The following HSPG2 variants were observed in gnomAD, a reference collection of about 807,000 sequenced individuals.
HSPG2 encodes the protein heparan sulfate proteoglycan 2.
Under a neutral mutation model 526.6 loss-of-function variants are expected in HSPG2, and 278 were observed. That is an observed-to-expected ratio of 0.53 (90% CI 0.48 to 0.58). HSPG2 has a LOEUF of 0.58. Ranked by LOEUF, HSPG2 falls within the 20% of genes least tolerant of loss-of-function variation. HSPG2 has a pLI of 0.00. For missense variants in HSPG2, 5,354 were observed against 6,099.5 expected (o/e 0.88, Z 4.07); for synonymous variants, 2,465 against 2,555.4 (o/e 0.96, Z 1.07).
rs150649767 is a variant in HSPG2, at chr1:21,851,693, G to A, written c.7011C>T (p.Ala2337=). 1.6e-4 allele frequency: 254 copies of A among 1,613,812 alleles called. No homozygotes were observed. The highest frequency in any genetic ancestry group is 2.0e-4 in the Non-Finnish European group (236 of 1,180,016). The change falls in exon 55 of 97, where the codon GCC becomes GCT. Residue 2337 remains alanine, a synonymous_variant. Coordinates refer to ENST00000374695, the MANE Select transcript of HSPG2 (RefSeq NM_005529.7). ...GTQGANLAYP[A]GSTQPIRIEP... ...CGATGCGGATGGGCTGGGTGCTGCC[G>A]GCAGCTGAGGGATAAGATGGTCACC... is the stretch of plus-strand genomic sequence containing the variant.
chr1:21,850,600 T>C (rs998481152), intron 55 of HSPG2, 102 bp from the exon 56 acceptor site: 4 of 1,343,748 alleles, frequency 3.0e-6, no homozygotes, highest in Non-Finnish European at 4.0e-6. Context: ...GGCCATCAGC[T>C]CTGGATCAGT....
Position 21,852,602 on chromosome 1 carries a change from G to A in HSPG2, c.6724+98C>T, listed in dbSNP as rs1230100898. The A allele has an allele frequency of 2.0e-6, 3 of 1,532,608 alleles. No homozygotes were observed. In the African/African-American group the frequency reaches 4.1e-5, roughly 21 times the overall value. 94.9% of individuals were successfully genotyped at this position (1,532,608 alleles called of 1,614,324 possible). On this transcript the variant is annotated intron_variant, in intron 52 of 96. Transcript: ENST00000374695. ...GGGCCCTGCAGCCAGCTCCGGTGTG[G>A]GCCTTCTGCCCTGTCAGCAAGAGGG...
At chr1:21,846,400 G>A in intron 63 of HSPG2, 48 bp downstream of exon 63, 1 of 1,612,066 alleles carries the variant, frequency 6.2e-7, no homozygotes, top group Non-Finnish European at 8.5e-7. Flanking sequence ...AGCTAGCCAG[G>A]GCCCCCACAT....
In HSPG2 at chr1:21,847,785, T is replaced by C. The variant is rs745388118; in HGVS notation, c.7929A>G (p.Glu2643=). ...RIESSSPTVV[E]GQTLDLNCVV... is the part of the protein sequence containing the mutation. Reference sequence around the variant, plus strand: ...CGCAGTTCAGATCCAAGGTCTGCCCTTCCACCACCGTGGGGGAAGACGACT... The same window carrying C: ...CGCAGTTCAGATCCAAGGTCTGCCCCTCCACCACCGTGGGGGAAGACGACT... Residue 2643 remains glutamate (E), a synonymous_variant, in exon 61 of 97, where the codon GAA becomes GAG. Transcript: ENST00000374695. This position sits in a 1 kb window ranked among gnomAD's most constrained non-coding sequence, Gnocchi z 4.1. The C allele has an allele frequency of 6.2e-7, 1 of 1,613,712 alleles. No individual in the cohort carries two copies. The highest frequency in any genetic ancestry group is 8.5e-7 in the Non-Finnish European group (1 of 1,179,960).
At chr1:21,926,761 CAAAAAAAAAAAAAAAAAA>C (rs57835686) in intron 1 of HSPG2, among the ~76,000 whole-genome samples, 1 of 55,846 alleles carries the variant, frequency 1.8e-5, no homozygotes, top group African/African-American at 7.3e-5. Context: ...GACTCAGTCT[CAAAAAAAAAAAAAAAAAA>C]AAAAAAAAAG....
At position 21,831,109 on chromosome 1, in the gene HSPG2, A is replaced by C. The variant is rs746997837; in HGVS notation, c.11563-19T>G. The C allele has an allele frequency of 6.2e-7, 1 of 1,609,446 alleles. No homozygotes were observed. The highest frequency in any genetic ancestry group is 8.5e-7 in the Non-Finnish European group (1 of 1,176,934). On this transcript the variant is annotated intron_variant, in intron 84 of 96. Transcript: ENST00000374695. ...CGCCATTCTGCAAAGCAGCCCCCAG[A>C]AGTAAGGCCGAGAACATTCAGTACC...
In HSPG2 at chr1:21,875,714, T is replaced by A; in HGVS notation, c.3217A>T (p.Thr1073Ser). 1 of 1,605,006 alleles carries A rather than the reference T, an allele frequency of 6.2e-7. No individual in the cohort carries two copies. Residue 1073 changes from threonine (T) to serine (S), a missense_variant, in exon 25 of 97, where the codon ACA becomes TCA. By Grantham distance (58) the Thr-to-Ser change is moderately conservative. Transcript: ENST00000374695. ...AWQRPDGQPA[T>S]REHLLMALAG... ...AGTGCCATCAGCAGGTGCTCCCGTG[T>A]GGCTGGCTGCCCATCGGGCCGCTGC... is the stretch of plus-strand genomic sequence containing the variant.
At chr1:21,869,476 G>A (rs188552674) in intron 33 of HSPG2, 2 of 986,736 alleles carry the variant, frequency 2.0e-6, no homozygotes, top group African/African-American at 3.5e-5. Flanking sequence ...CTGAGAGCCT[G>A]GTGAGAAAGA....
At chr1:21,874,145 C>T (rs1469098675) in intron 28 of HSPG2, 134 bp from the exon 29 acceptor site, 3 of 846,444 alleles carry the variant, frequency 3.5e-6, no homozygotes, top group Non-Finnish European at 5.7e-6. Context: ...CCACTGCATG[C>T]CTGGCACTGT....
Position 21,831,241 on chromosome 1 carries a change from G to A in HSPG2, c.11536C>T (p.Pro3846Ser), listed in dbSNP as rs1331527800. The change falls in exon 84 of 97, where the codon CCC becomes TCC. Residue 3846 changes from proline (P) to serine (S), a missense_variant. Pro to Ser is a moderately conservative substitution (Grantham distance 74). Transcript: ENST00000374695. ...TGGCAGGGCCGGTCCCGACAGGTGG[G>A]GCAGTGGGAGATGCCGTGCGCCGTG... ...NLTAHGISHC[P>S]TCRDRPCQNG... 6.2e-7 allele frequency: 1 copy of A among 1,613,924 alleles called. No homozygotes were observed. The highest frequency in any genetic ancestry group is 2.2e-5 in the East Asian group (1 of 44,892).
intron 69 of HSPG2, 63 bp downstream of exon 69, chr1:21,841,939 T>C: frequency 1.2e-6 from 2 of 1,601,042 alleles, no homozygotes; most frequent in Non-Finnish European, 1.7e-6. Context: ...CCTTGCACAG[T>C]GGGGATGACG....
intron 10 of HSPG2, 56 bp from the exon 11 acceptor site, chr1:21,885,213 G>A (rs1641797455): frequency 1.3e-6 from 2 of 1,599,104 alleles, no homozygotes; most frequent in South Asian, 2.2e-5. Context: ...AGGAGCGGAA[G>A]GAGGGCTCCG....
chr1:21,864,658 AT>A lies in HSPG2; in HGVS notation c.4626+184del, dbSNP rs941229061. On this transcript the variant is annotated intron_variant, in intron 36 of 96. Transcript: ENST00000374695. The surrounding 1 kb of genome is among the most constrained non-coding windows in gnomAD (Gnocchi z 4.8). The stretch of plus-strand genomic sequence containing the variant: ...GACACACTCACCCCTCAGCACCTCT[AT>A]TTTTTTACCTGTTAAAGGGGATAAT... Among the ~76,000 whole-genome samples the A allele has an allele frequency of 6.6e-6, 1 of 152,012 alleles. No individual in the cohort carries two copies. The highest frequency in any genetic ancestry group is 1.9e-4 in the East Asian group (1 of 5,172).
chr1:21,927,200 T>C lies in HSPG2; in HGVS notation c.63+9955A>G, dbSNP rs368865607. Among the ~76,000 whole-genome samples the C allele has an allele frequency of 6.1e-3, 935 of 152,122 alleles. 3 individuals carry two copies. The highest frequency in any genetic ancestry group is 0.021 in the African/African-American group (888 of 41,480). On this transcript the variant is annotated intron_variant, in intron 1 of 96. Transcript: ENST00000374695. ...GCCAGGCCTCCCCTTCCCCACCGACTGGGATGGGAGAAAGATGGGGAAAGA... is the reference window on the plus strand; with the variant it reads ...GCCAGGCCTCCCCTTCCCCACCGACCGGGATGGGAGAAAGATGGGGAAAGA...
intron 33 of HSPG2, among the ~76,000 whole-genome samples, chr1:21,867,112 C>T (rs1640297719): frequency 9.9e-6 from 1 of 100,750 alleles, no homozygotes; most frequent in Admixed American, 1.4e-4. Context: ...CCCTATGTTG[C>T]TCAGGCACTT....
chr1:21,885,871 C>G (rs908532114), intron 9 of HSPG2, among the ~76,000 whole-genome samples: 5 of 152,270 alleles, frequency 3.3e-5, no homozygotes, highest in Admixed American at 2.6e-4. Flanking sequence ...ACAGTGTGGT[C>G]CCCTGAGGGG....
intron 44 of HSPG2, among the ~76,000 whole-genome samples, chr1:21,856,475 T>C (rs949923774): frequency 2.0e-5 from 3 of 152,146 alleles, no homozygotes; most frequent in Admixed American, 6.5e-5. Context: ...TGGAGTGCAG[T>C]GGCGCGATCT....
chr1:21,852,990 C>T lies in HSPG2; in HGVS notation c.6520G>A (p.Val2174Met), dbSNP rs777069767. 3.1e-5 allele frequency: 50 copies of T among 1,613,620 alleles called. No homozygotes were observed. Among genetic ancestry groups the T allele is most frequent in the Non-Finnish European group, 3.9e-5 (46 of 1,179,930 alleles). ...TGGGCGTGGGCCTGCCCGGGCACCACGCAGTTCAGATCCAGGGTCTGCCCT... is the reference window on the plus strand; with the variant it reads ...TGGGCGTGGGCCTGCCCGGGCACCATGCAGTTCAGATCCAGGGTCTGCCCT... ...AEGQTLDLNC[V>M]VPGQAHAQVT... Residue 2174 changes from valine to methionine, a missense_variant, in exon 51 of 97, where the codon GTG becomes ATG. Val to Met is a conservative substitution (Grantham distance 21). Coordinates refer to ENST00000374695, the MANE Select transcript of HSPG2 (RefSeq NM_005529.7).
At position 21,923,619 on chromosome 1, in the gene HSPG2, T is replaced by G. The variant is rs112684840; in HGVS notation, c.63+13536A>C. Among the ~76,000 whole-genome samples the G allele has an allele frequency of 2.4e-3, 360 of 152,232 alleles. 2 individuals carry two copies. Among genetic ancestry groups the G allele is most frequent in the African/African-American group, 7.7e-3 (318 of 41,544 alleles). Reference sequence around the variant, plus strand: ...GGGAAACAGACTCACAAATGAGTGCTGAGACCAAGTCACAAAGACTCAAGA... The same window carrying G: ...GGGAAACAGACTCACAAATGAGTGCGGAGACCAAGTCACAAAGACTCAAGA... On this transcript the variant is annotated intron_variant, in intron 1 of 96. Transcript: ENST00000374695.
Sources: allele counts gnomAD v4.1 joint callset (sites outside exome capture counted in the v4.1 genomes callset), GRCh38; gene constraint gnomAD v4.1.1; non-coding constraint Gnocchi (gnomAD v3.1); transcripts MANE v1.5; gene names NCBI Gene and HGNC (gene_info 2026-07-23, HGNC 2026-07-21).